Variants in KLHL30 observed in about 807,000 individuals in gnomAD.
The protein encoded by KLHL30 is kelch like family member 30.
KLHL30 carries 55 observed loss-of-function variants against 55.0 expected under a neutral mutation model. The observed-to-expected ratio is 1.00, with a 90% CI of 0.80 to 1.25. KLHL30 has a LOEUF of 1.25. KLHL30 is among the 50% of genes most tolerant of loss of function. The pLI, the probability that KLHL30 is intolerant of heterozygous loss-of-function variation, is 0.00. For synonymous variants in KLHL30, 356 were observed against 372.6 expected (o/e 0.96, Z 0.51); for missense variants, 786 against 811.6 (o/e 0.97, Z 0.38).
rs778409795 is a variant in KLHL30 at position 238,147,697 on chromosome 2, C to G, written c.1151-137C>G. 9.9e-6 allele frequency: 5 copies of G among 503,306 alleles called. No homozygotes were observed. The highest frequency in any genetic ancestry group is 1.6e-5 in the Non-Finnish European group (5 of 306,042). 31.2% of individuals were successfully genotyped at this position (503,306 alleles called of 1,614,324 possible). On this transcript the variant is annotated intron_variant, in intron 5 of 7. Coordinates refer to ENST00000409223, the MANE Select transcript of KLHL30 (RefSeq NM_198582.4). The surrounding 1 kb of genome is among the most constrained non-coding windows in gnomAD (Gnocchi z 5.8). ...GGGAGGTGCCAGCACCTCTCAGAACCTCAGCTTCCCTGTCTGTGAAATGGG... is the reference window on the plus strand; with the variant it reads ...GGGAGGTGCCAGCACCTCTCAGAACGTCAGCTTCCCTGTCTGTGAAATGGG...
intron 7 of KLHL30, among the ~76,000 whole-genome samples, chr2:238,150,265 CACA>C (rs1184629144): frequency 6.6e-6 from 1 of 152,176 alleles, no homozygotes; most frequent in Admixed American, 6.5e-5. Context: ...ATCTGGAGGC[CACA>C]GACCGGCCTC....
intron 7 of KLHL30, among the ~76,000 whole-genome samples, chr2:238,150,314 C>A (rs1008341146): frequency 6.6e-6 from 1 of 152,220 alleles, no homozygotes; most frequent in Non-Finnish European, 1.5e-5. Flanking sequence ...CCTGAAGCCG[C>A]AGCTCTCTCC....
chr2:238,143,039 G>GGCCCT, intron 3 of KLHL30, 108 bp downstream of exon 3: 1 of 1,301,506 alleles, frequency 7.7e-7, no homozygotes, highest in Non-Finnish European at 1.0e-6. Flanking sequence ...AGGACCGGGA[G>GGCCCT]CTGTGTGAGG....
intron 3 of KLHL30, 127 bp from the exon 4 acceptor site, chr2:238,144,775 C>T: frequency 1.4e-6 from 1 of 738,440 alleles, no homozygotes; most frequent in Non-Finnish European, 2.3e-6. Context: ...CTGCCCCTCC[C>T]TTTCCCCACC....
Position 238,141,390 on chromosome 2 carries a change from C to T in KLHL30, c.636C>T (p.Ala212=), listed in dbSNP as rs550956670. Residue 212 remains alanine, a synonymous_variant, in exon 2 of 8, where the codon GCC becomes GCT. Transcript: ENST00000409223. The part of the protein sequence containing the change: ...RWVRHDPQAR[A]AHLPELLSLV... ...TGCGCCATGACCCGCAGGCCCGGGC[C>T]GCCCACCTGCCCGAGCTGCTCAGCC... 41 of 1,591,774 alleles carry T rather than the reference C, an allele frequency of 2.6e-5. No individual in the cohort carries two copies. The East Asian group carries it at 2.9e-4, about 11-fold the overall frequency.
intron 6 of KLHL30, among the ~76,000 whole-genome samples, chr2:238,148,564 G>C (rs1692689472): frequency 6.8e-6 from 1 of 147,938 alleles, no homozygotes; most frequent in Non-Finnish European, 1.5e-5. Flanking sequence ...CTGTTCTGAG[G>C]CGTGGATGTG....
rs1375606585 is a variant in KLHL30 at position 238,142,865 on chromosome 2, G to A, written c.841G>A (p.Glu281Lys). The change falls in exon 3 of 8, where the codon GAG (glutamate) becomes AAG (lysine). Residue 281 changes from glutamate to lysine, a missense_variant. By Grantham distance (56) the Glu-to-Lys change is moderately conservative. Transcript: ENST00000409223. ...GGTGGTGGGCGGGCAGGCGCTGGAGGAGGAGGAGGCAGGTGAGGAGCCCAC... is the reference window on the plus strand; with the variant it reads ...GGTGGTGGGCGGGCAGGCGCTGGAGAAGGAGGAGGCAGGTGAGGAGCCCAC... ...LVVVGGQALE[E>K]EEAGEEPTPG... 2.7e-6 allele frequency: 4 copies of A among 1,475,046 alleles called. No individual in the cohort carries two copies. The highest frequency in any genetic ancestry group is 2.7e-6 in the Non-Finnish European group (3 of 1,121,046). The allele number at this position is 1,475,046 out of a possible 1,614,324, so 91.4% of individuals were successfully genotyped here.
At position 238,141,151 on chromosome 2, in the gene KLHL30, G is replaced by A. The variant is rs372252756; in HGVS notation, c.397G>A (p.Ala133Thr). 68 of 1,611,458 alleles carry A rather than the reference G, an allele frequency of 4.2e-5. No individual in the cohort carries two copies. In the African/African-American group the frequency reaches 5.2e-4, roughly 12 times the overall value. Residue 133 changes from alanine (A) to threonine (T), a missense_variant, in exon 2 of 8, where the codon GCC becomes ACC. Physicochemically the swap from Ala to Thr is moderately conservative, Grantham distance 58. Coordinates refer to ENST00000409223, the MANE Select transcript of KLHL30 (RefSeq NM_198582.4). ...CTACCTGCAGCAGCAACTGGATGCC[G>A]CCAACTGCCTGGGCATCTGTGAGTT... ...GRYLQQQLDA[A>T]NCLGICEFGE...
In KLHL30 at chr2:238,151,254, T is replaced by A. The variant is rs1692751676; in HGVS notation, c.*189T>A. On this transcript the variant is annotated 3_prime_UTR_variant, in exon 8 of 8. Coordinates refer to ENST00000409223, the MANE Select transcript of KLHL30 (RefSeq NM_198582.4). ...GCCTTGGTCTCTGTGGCCACCACACTAAACTCTGAGCTGAGCAGTGACAAG... is the reference window on the plus strand; with the variant it reads ...GCCTTGGTCTCTGTGGCCACCACACAAAACTCTGAGCTGAGCAGTGACAAG... 1 of 781,920 alleles carries A rather than the reference T, an allele frequency of 1.3e-6. No individual in the cohort carries two copies. Among genetic ancestry groups the A allele is most frequent in the Non-Finnish European group, 2.0e-6 (1 of 502,372 alleles). The allele number at this position is 781,920 out of a possible 1,614,324, so 48.4% of individuals were successfully genotyped here.
intron 7 of KLHL30, among the ~76,000 whole-genome samples, chr2:238,149,653 G>C (rs931360633): frequency 6.6e-6 from 1 of 152,148 alleles, no homozygotes; most frequent in Non-Finnish European, 1.5e-5. Context: ...GGGTACTATA[G>C]GGACCAGGAG....
chr2:238,140,510 C>T (rs150862957), intron 1 of KLHL30, among the ~76,000 whole-genome samples, 175 bp from the exon 2 acceptor site: 1 of 152,122 alleles, frequency 6.6e-6, no homozygotes, highest in Admixed American at 6.5e-5. Context: ...ACCTGCCCTA[C>T]CTTGCAGGGT....
chr2:238,145,379 G>T (rs961220895), intron 4 of KLHL30, among the ~76,000 whole-genome samples: 1 of 152,202 alleles, frequency 6.6e-6, no homozygotes, highest in African/African-American at 2.4e-5. Flanking sequence ...GTCGTGTGTT[G>T]CAGGGGTCAC....
rs768718437 is a variant in KLHL30, at chr2:238,151,003, T to G, written c.1675T>G (p.Ser559Ala). 9 of 1,589,402 alleles carry G rather than the reference T, an allele frequency of 5.7e-6. No homozygotes were observed. In the African/African-American group the frequency reaches 8.1e-5, roughly 14 times the overall value. ...CCGGCTCTGGCTCTACCACGGGGCC[T>G]CCACCGTCTTCCTGGATGTCTCCAA... Reference protein sequence around the residue: ...LPRLWLYHGASTVFLDVSKWT... With the variant: ...LPRLWLYHGAATVFLDVSKWT... The change falls in exon 8 of 8, where the codon TCC becomes GCC. Residue 559 changes from serine (S) to alanine (A), a missense_variant. By Grantham distance (99) the Ser-to-Ala change is moderately conservative (BLOSUM62 1). Transcript: ENST00000409223.
Position 238,151,196 on chromosome 2 carries a change from G to C in KLHL30, c.*131G>C. The stretch of plus-strand genomic sequence containing the variant: ...CTTCCAAGCTGCGCTCAGGCCACCA[G>C]GGGTGATCAGACGGCATGGCTTGGA... On this transcript the variant is annotated 3_prime_UTR_variant, in exon 8 of 8. Transcript: ENST00000409223. 7.9e-7 allele frequency: 1 copy of C among 1,270,938 alleles called. No homozygotes were observed. Among genetic ancestry groups the C allele is most frequent in the Non-Finnish European group, 1.1e-6 (1 of 932,322 alleles). 78.7% of individuals were successfully genotyped at this position (1,270,938 alleles called of 1,614,324 possible).
rs769665610 is a variant in KLHL30, at chr2:238,145,825, T to C, written c.1143T>C (p.Val381=). ...CGGCCCTCAATGGGGAGATCTACGT[T>C]ATCGGCGGTGAGGCCTTCCTCTCCA... The part of the protein sequence containing the change: ...ASAALNGEIY[V]IGGTTLDVVE... The change falls in exon 5 of 8, where the codon GTT becomes GTC. Residue 381 remains valine, a synonymous_variant. Coordinates refer to ENST00000409223, the MANE Select transcript of KLHL30 (RefSeq NM_198582.4). The C allele has an allele frequency of 6.9e-6, 11 of 1,599,004 alleles. No individual in the cohort carries two copies. The highest frequency in any genetic ancestry group is 3.4e-4 in the Middle Eastern group (2 of 5,934).
In KLHL30 at chr2:238,141,174, G is replaced by T; in HGVS notation, c.420G>T (p.Glu140Asp). The T allele has an allele frequency of 6.2e-7, 1 of 1,611,944 alleles. No homozygotes were observed. The highest frequency in any genetic ancestry group is 8.5e-7 in the Non-Finnish European group (1 of 1,179,638). ...CCGCCAACTGCCTGGGCATCTGTGA[G>T]TTCGGGGAGCAGCAAGGGCTGCTGG... Reference protein sequence around the residue: ...LDAANCLGICEFGEQQGLLGV... With the variant: ...LDAANCLGICDFGEQQGLLGV... The change falls in exon 2 of 8, where the codon GAG becomes GAT. Residue 140 changes from glutamate (E) to aspartate (D), a missense_variant. Glu to Asp is a conservative substitution (Grantham distance 45, BLOSUM62 2). Coordinates refer to ENST00000409223, the MANE Select transcript of KLHL30 (RefSeq NM_198582.4).
chr2:238,150,281 G>A lies in KLHL30; in HGVS notation c.1486-533G>A, dbSNP rs952742919. ...TCTGGAGGCCACAGACCGGCCTCCC[G>A]CTTCCCACCCGCCCGGGCTCTTCCT... On this transcript the variant is annotated intron_variant, in intron 7 of 7. Coordinates refer to ENST00000409223, the MANE Select transcript of KLHL30 (RefSeq NM_198582.4). 3.3e-5 allele frequency among the ~76,000 whole-genome samples: 5 copies of A among 152,260 alleles called. No individual in the cohort carries two copies. The East Asian group carries it at 7.8e-4, about 24-fold the overall frequency.
intron 1 of KLHL30, among the ~76,000 whole-genome samples, chr2:238,139,094 C>A (rs1559273569): frequency 6.6e-6 from 1 of 152,186 alleles, no homozygotes; most frequent in Non-Finnish European, 1.5e-5. Flanking sequence ...CGGGCCTGGG[C>A]AGGCACTGGG....
At chr2:238,148,701 C>T (rs1161873552) in intron 6 of KLHL30, among the ~76,000 whole-genome samples, 4 of 151,988 alleles carry the variant, frequency 2.6e-5, no homozygotes, top group Admixed American at 6.5e-5. Context: ...GTGGGTGGGG[C>T]GGCAGCCAGG....
Sources: gnomAD v4.1 joint callset for allele counts (sites outside exome capture counted in the v4.1 genomes callset) on GRCh38, gnomAD v4.1.1 for gene constraint, Gnocchi (gnomAD v3.1) non-coding constraint, MANE v1.5 for transcripts, NCBI Gene and HGNC (gene_info 2026-07-23, HGNC 2026-07-21) for gene names.